The following NFIA variants were observed in gnomAD, a reference collection of about 807,000 sequenced individuals.
NFIA encodes the protein nuclear factor I A.
Under a neutral mutation model 62.8 loss-of-function variants are expected in NFIA, and 8 were observed. The ratio of observed to expected loss-of-function variants is 0.13; its 90% CI spans 0.07 to 0.23. NFIA has a LOEUF of 0.23. Among genes scored for constraint, NFIA ranks in the 10% least tolerant of loss-of-function variants. NFIA has a pLI of 1.00. For synonymous variants in NFIA, 235 were observed against 238.1 expected (o/e 0.99, Z 0.12); for missense variants, 410 against 642.1 (o/e 0.64, Z 3.91).
intron 1 of NFIA, among the ~76,000 whole-genome samples, chr1:61,085,382 T>C (rs972171078): frequency 6.6e-6 from 1 of 152,166 alleles, no homozygotes; most frequent in African/African-American, 2.4e-5. Flanking sequence ...AACAGATCAA[T>C]GTTTAAGATG....
intron 2 of NFIA, among the ~76,000 whole-genome samples, chr1:61,272,680 T>G (rs1262935369): frequency 6.6e-6 from 1 of 152,220 alleles, no homozygotes; most frequent in Non-Finnish European, 1.5e-5. Flanking sequence ...GGGTAACTGC[T>G]TATTACACTC....
intron 2 of NFIA, among the ~76,000 whole-genome samples, chr1:61,162,890 A>T (rs781775661): frequency 1.3e-5 from 2 of 151,734 alleles, no homozygotes; most frequent in African/African-American, 4.9e-5. Context: ...GAAAGTTTAT[A>T]TAAAATATTT....
intron 3 of NFIA, among the ~76,000 whole-genome samples, chr1:61,299,773 G>A (rs1258129421): frequency 1.3e-5 from 2 of 152,134 alleles, no homozygotes; most frequent in Non-Finnish European, 1.5e-5. Flanking sequence ...GCTGGTTAAT[G>A]TCTTAGTTCT....
chr1:61,362,238 G>A (rs893749198), intron 6 of NFIA, among the ~76,000 whole-genome samples: 3 of 152,158 alleles, frequency 2.0e-5, no homozygotes, highest in Non-Finnish European at 4.4e-5. Context: ...CAGGGGTACA[G>A]TTAAATTGAG....
intron 2 of NFIA, among the ~76,000 whole-genome samples, chr1:61,169,712 A>G (rs1348111297): frequency 2.6e-5 from 4 of 152,220 alleles, no homozygotes; most frequent in Non-Finnish European, 5.9e-5. Context: ...CCATGATGTC[A>G]GTAACCTCTT....
At chr1:61,151,556 G>A (rs1024413517) in intron 2 of NFIA, among the ~76,000 whole-genome samples, 2 of 152,130 alleles carry the variant, frequency 1.3e-5, no homozygotes, top group African/African-American at 4.8e-5. Context: ...GAGAAAAGAA[G>A]GAATGAGATT....
intron 6 of NFIA, among the ~76,000 whole-genome samples, chr1:61,361,785 G>GTA (rs1569613367): frequency 2.7e-4 from 1 of 3,758 alleles, no homozygotes; most frequent in African/African-American, 1.0e-3. Flanking sequence ...GGTAAGAGGT[G>GTA]TGTGTGTGTG....
intron 2 of NFIA, among the ~76,000 whole-genome samples, chr1:61,207,441 A>G (rs781110316): frequency 6.6e-6 from 1 of 152,078 alleles, no homozygotes; most frequent in Non-Finnish European, 1.5e-5. Context: ...TCATGGTTTT[A>G]TCTCAGATAA....
intron 6 of NFIA, among the ~76,000 whole-genome samples, chr1:61,374,792 C>G (rs1200930127): frequency 6.6e-6 from 1 of 152,074 alleles, no homozygotes; most frequent in Non-Finnish European, 1.5e-5. Context: ...AAGGATAAAC[C>G]TCAGAAGCTA....
chr1:61,088,134 T>C lies in NFIA; in HGVS notation c.28-15T>C, dbSNP rs1646252743. The C allele has an allele frequency of 6.4e-7, 1 of 1,567,546 alleles. No individual in the cohort carries two copies. The highest frequency in any genetic ancestry group is 8.6e-7 in the Non-Finnish European group (1 of 1,161,478). ...TTCATTCTACTTATATTTTTCTTTT[T>C]GTTCATTTTCCTAGGATGAATTTCA... On this transcript the variant is annotated splice_polypyrimidine_tract_variant and intron_variant, in intron 1 of 10. Transcript: ENST00000403491. The surrounding 1 kb of genome is among the most constrained non-coding windows in gnomAD (Gnocchi z 4.5).
At chr1:61,334,502 C>T (rs72911999) in intron 4 of NFIA, among the ~76,000 whole-genome samples, 2,493 of 136,230 alleles carry the variant, frequency 0.018, 130 homozygotes, top group African/African-American at 0.068. Context: ...TAATAATAAC[C>T]GTAATATGGG....
At chr1:61,140,816 T>C (rs1203202051) in intron 2 of NFIA, among the ~76,000 whole-genome samples, 1 of 151,978 alleles carries the variant, frequency 6.6e-6, no homozygotes, top group Non-Finnish European at 1.5e-5. Context: ...GATTAGAAAC[T>C]TCATTATACA....
chr1:61,215,794 AG>A (rs1309375411), intron 2 of NFIA, among the ~76,000 whole-genome samples: 1 of 152,236 alleles, frequency 6.6e-6, no homozygotes, highest in African/African-American at 2.4e-5. Context: ...GAAGTATTTC[AG>A]GACTCATTTG....
chr1:61,245,592 A>T (rs1212592043), intron 2 of NFIA, among the ~76,000 whole-genome samples: 1 of 152,172 alleles, frequency 6.6e-6, no homozygotes. Flanking sequence ...TACTGATCTC[A>T]TTATATTCTA....
At chr1:61,128,789 C>G (rs966805743) in intron 2 of NFIA, among the ~76,000 whole-genome samples, 1 of 151,888 alleles carries the variant, frequency 6.6e-6, no homozygotes, top group Admixed American at 6.6e-5. Flanking sequence ...GACTTGAGAC[C>G]TTAGGGAGAT....
chr1:61,367,588 C>T (rs71641731), intron 6 of NFIA, among the ~76,000 whole-genome samples: 3,257 of 152,216 alleles, frequency 0.021, 54 homozygotes, highest in Non-Finnish European at 0.03. Flanking sequence ...CTTTACGAAC[C>T]CTTCTTTATC....
intron 7 of NFIA, among the ~76,000 whole-genome samples, chr1:61,390,770 G>A (rs911741114): frequency 2.0e-5 from 3 of 152,276 alleles, no homozygotes; most frequent in African/African-American, 7.2e-5. Flanking sequence ...CTAGATGGCA[G>A]GGCCTATTAG....
chr1:61,085,956 A>T (rs1646211991), intron 1 of NFIA, among the ~76,000 whole-genome samples: 1 of 152,158 alleles, frequency 6.6e-6, no homozygotes, highest in Non-Finnish European at 1.5e-5. Flanking sequence ...TGAAAAGCAT[A>T]TTGGGAGTAT....
chr1:61,278,412 CT>C (rs1293247195), intron 3 of NFIA, among the ~76,000 whole-genome samples: 1 of 152,020 alleles, frequency 6.6e-6, no homozygotes, highest in Non-Finnish European at 1.5e-5. Context: ...CCAAAATGTT[CT>C]TCTTTGCTGA....
Sources: gnomAD v4.1 joint callset for allele counts (sites outside exome capture counted in the v4.1 genomes callset) on GRCh38, gnomAD v4.1.1 for gene constraint, Gnocchi (gnomAD v3.1) non-coding constraint, MANE v1.5 for transcripts, NCBI Gene and HGNC (gene_info 2026-07-23, HGNC 2026-07-21) for gene names.